The following DCAF6 variants were observed in gnomAD, a reference collection of about 807,000 sequenced individuals.
DCAF6 encodes the protein DDB1 and CUL4 associated factor 6.
In DCAF6, 54 loss-of-function variants were observed where a neutral mutation model predicts 125.1. That is an observed-to-expected ratio of 0.43 (90% CI 0.35 to 0.54). The LOEUF is 0.54. Among genes scored for constraint, DCAF6 ranks in the 20% least tolerant of loss-of-function variants. The pLI is 0.01. For missense variants in DCAF6, 934 were observed against 1,161.7 expected (o/e 0.80, Z 2.85); for synonymous variants, 371 against 390.4 (o/e 0.95, Z 0.58).
At chr1:167,977,064 G>C (rs1678347953) in intron 4 of DCAF6, among the ~76,000 whole-genome samples, 1 of 151,030 alleles carries the variant, frequency 6.6e-6, no homozygotes, top group Non-Finnish European at 1.5e-5. Flanking sequence ...ACCACTCCTG[G>C]CTAATTTTGT....
intron 4 of DCAF6, among the ~76,000 whole-genome samples, chr1:167,977,922 A>G (rs1678501222): frequency 6.6e-6 from 1 of 152,040 alleles, no homozygotes; most frequent in Admixed American, 6.6e-5. Context: ...GAATTCTAAC[A>G]CTGGAGTTTT....
chr1:167,942,496 T>TA (rs1429155461), intron 1 of DCAF6, among the ~76,000 whole-genome samples: 8 of 152,260 alleles, frequency 5.3e-5, no homozygotes, highest in Non-Finnish European at 1.2e-4. Flanking sequence ...ATTCTTTATA[T>TA]AACAGTCCTT....
intron 7 of DCAF6, among the ~76,000 whole-genome samples, chr1:168,000,657 G>T (rs979759725): frequency 3.3e-5 from 5 of 152,124 alleles, no homozygotes; most frequent in African/African-American, 1.2e-4. Context: ...TTGCTAAAAT[G>T]GGGTATTATG....
Position 168,003,936 on chromosome 1 carries a change from A to C in DCAF6, c.1064A>C (p.Glu355Ala). ...GATATGTTATCAAGATGGTTTGAAG[A>C]AGCAAGTGAGGTTGCACAAAGCAAT... is the stretch of plus-strand genomic sequence containing the variant. ...MSDMLSRWFEEASEVAQSNRG... is the reference protein window; with the variant it reads ...MSDMLSRWFEAASEVAQSNRG... The change falls in exon 9 of 22, where the codon GAA (glutamate) becomes GCA (alanine). Residue 355 changes from glutamate (E) to alanine (A), a missense_variant. Transcript: ENST00000367840. 1 of 1,612,434 alleles carries C rather than the reference A, an allele frequency of 6.2e-7. No individual in the cohort carries two copies. Among genetic ancestry groups the C allele is most frequent in the Non-Finnish European group, 8.5e-7 (1 of 1,179,314 alleles).
chr1:167,920,036 A>G, the DCAF6 span: 1 of 1,613,772 alleles, frequency 6.2e-7, no homozygotes, highest in South Asian at 1.1e-5. Flanking sequence ...ATTAACAGCA[A>G]ACAGACTCCA....
the DCAF6 span, chr1:167,902,104 TAAA>T: frequency 1.3e-6 from 2 of 1,528,548 alleles, no homozygotes; most frequent in Non-Finnish European, 1.8e-6. Context: ...TTAAAGGTAG[TAAA>T]AAAACATCAT....
intron 7 of DCAF6, among the ~76,000 whole-genome samples, chr1:167,997,313 TG>T (rs1359644901): frequency 6.6e-6 from 1 of 152,216 alleles, no homozygotes; most frequent in African/African-American, 2.4e-5. Context: ...TCTATTATAT[TG>T]TTTTAAGAAT....
intron 21 of DCAF6, among the ~76,000 whole-genome samples, chr1:168,070,332 C>A (rs907620507): frequency 6.6e-6 from 1 of 152,142 alleles, no homozygotes; most frequent in Middle Eastern, 3.4e-3. Context: ...TAGTCAACCA[C>A]TCTTTTTCTC....
At chr1:167,973,488 TG>T (rs1677661302) in intron 3 of DCAF6, among the ~76,000 whole-genome samples, 1 of 152,190 alleles carries the variant, frequency 6.6e-6, no homozygotes, top group Admixed American at 6.5e-5. Context: ...GTTGTTGTAA[TG>T]TCACAAAACA....
the DCAF6 span, among the ~76,000 whole-genome samples, chr1:167,912,943 G>T: frequency 6.6e-6 from 1 of 152,188 alleles, no homozygotes; most frequent in African/African-American, 2.4e-5. Context: ...TGTGGGACTT[G>T]AAAGTCCCTG....
chr1:168,044,201 A>T lies in DCAF6; in HGVS notation c.1844-384A>T, dbSNP rs562459140. On this transcript the variant is annotated intron_variant, in intron 14 of 21. Coordinates refer to ENST00000367840, the MANE Select transcript of DCAF6 (RefSeq NM_001198956.2). The stretch of plus-strand genomic sequence containing the variant: ...TATGACTCAGAAAGGGTTAAGAACC[A>T]TTTATCCATAGGAAAGCTGGAGTAT... Among the ~76,000 whole-genome samples the T allele has an allele frequency of 7.2e-5, 11 of 152,246 alleles. No homozygotes were observed. The South Asian group carries it at 2.3e-3, about 32-fold the overall frequency.
chr1:167,964,254 A>T lies in DCAF6; in HGVS notation c.160-2375A>T, dbSNP rs530916253. Among the ~76,000 whole-genome samples the T allele has an allele frequency of 6.6e-5, 10 of 152,228 alleles. No homozygotes were observed. The South Asian group carries it at 2.1e-3, about 32-fold the overall frequency. The stretch of plus-strand genomic sequence containing the variant: ...GGTCTGCTGGCAACAAATTCCCTCA[A>T]TGTTAATTTATCTGAGAAAAGTTTT... On this transcript the variant is annotated intron_variant, in intron 2 of 21. Coordinates refer to ENST00000367840, the MANE Select transcript of DCAF6 (RefSeq NM_001198956.2).
At chr1:167,943,312 G>A (rs1321553765) in intron 1 of DCAF6, among the ~76,000 whole-genome samples, 2 of 152,150 alleles carry the variant, frequency 1.3e-5, no homozygotes, top group African/African-American at 4.8e-5. Flanking sequence ...TCTACAAAAA[G>A]ACTTGGGATT....
At chr1:167,886,741 A>C in the DCAF6 span, among the ~76,000 whole-genome samples, 1 of 152,252 alleles carries the variant, frequency 6.6e-6, no homozygotes, top group Non-Finnish European at 1.5e-5. Context: ...AAAAGAAATC[A>C]TCAGAGTGAA....
intron 1 of DCAF6, among the ~76,000 whole-genome samples, chr1:167,944,191 C>T (rs1672707898): frequency 6.6e-6 from 1 of 152,146 alleles, no homozygotes; most frequent in African/African-American, 2.4e-5. Flanking sequence ...TGTATATATA[C>T]CACATTTTCT....
At position 167,970,092 on chromosome 1, in the gene DCAF6, T is replaced by C. The variant is rs943891431; in HGVS notation, c.252+3371T>C. ...TGCGCCTAGCCCCCTTTTCTTATAATAGAGAAGATTTCCTGAAATAATGTA... is the reference window on the plus strand; with the variant it reads ...TGCGCCTAGCCCCCTTTTCTTATAACAGAGAAGATTTCCTGAAATAATGTA... On this transcript the variant is annotated intron_variant, in intron 3 of 21. Coordinates refer to ENST00000367840, the MANE Select transcript of DCAF6 (RefSeq NM_001198956.2). Among the ~76,000 whole-genome samples the C allele has an allele frequency of 4.9e-4, 74 of 152,186 alleles. 1 individual carries two copies. The highest frequency in any genetic ancestry group is 8.2e-4 in the Non-Finnish European group (56 of 68,028).
the DCAF6 span, chr1:167,918,419 G>T: frequency 9.2e-7 from 1 of 1,091,268 alleles, no homozygotes; most frequent in East Asian, 2.5e-5. Flanking sequence ...TTATGGTAAG[G>T]AGAGAATGGG....
At chr1:167,982,834 A>G (rs1679396928) in intron 4 of DCAF6, among the ~76,000 whole-genome samples, 1 of 152,096 alleles carries the variant, frequency 6.6e-6, no homozygotes, top group African/African-American at 2.4e-5. Flanking sequence ...GTTAATTTTT[A>G]TATATGGTGA....
intron 16 of DCAF6, among the ~76,000 whole-genome samples, chr1:168,049,867 G>A (rs1335497702): frequency 6.7e-6 from 1 of 148,886 alleles, no homozygotes; most frequent in Non-Finnish European, 1.5e-5. Flanking sequence ...GTGTTAGCCA[G>A]GATGATCTCG....
Sources: allele counts gnomAD v4.1 joint callset (sites outside exome capture counted in the v4.1 genomes callset), GRCh38; gene constraint gnomAD v4.1.1; transcripts MANE v1.5; gene names NCBI Gene and HGNC (gene_info 2026-07-23, HGNC 2026-07-21).